Variants in RNF220 observed in about 807,000 individuals in gnomAD.
RNF220 encodes ring finger protein 220.
A neutral mutation model predicts 67.1 loss-of-function variants in RNF220; 7 were observed. That is an observed-to-expected ratio of 0.10 (90% confidence interval 0.06 to 0.20). The LOEUF (loss-of-function observed/expected upper bound fraction) is 0.20. RNF220 is among the 10% of genes least tolerant of loss of function. The probability of loss-of-function intolerance (pLI) is 1.00; values close to 1 mark genes in which losing one functional copy is unlikely to be tolerated. For missense variants in RNF220, 565 were observed against 740.3 expected (o/e 0.76, Z 2.75); for synonymous variants, 270 against 283.2 (o/e 0.95, Z 0.47).
rs34268893 is a variant in RNF220, at chr1:44,482,920, CTTTTTTTTTTT to C, written c.625+70213_625+70223del. On this transcript the variant is annotated intron_variant, in intron 2 of 14. Transcript: ENST00000361799. Reference sequence around the variant, plus strand: ...GTAAGAGTGAGCCACCACACCCAGCCTTTTTTTTTTTTTTTTTTTTTTTTTGTCCAGATGGG... The same window carrying C: ...GTAAGAGTGAGCCACCACACCCAGCCTTTTTTTTTTTTTTGTCCAGATGGG... Among the ~76,000 whole-genome samples, 136 of 69,176 alleles carry C rather than the reference CTTTTTTTTTTT, an allele frequency of 2.0e-3. 1 individual carries two copies. The highest frequency in any genetic ancestry group is 8.3e-3 in the African/African-American group (130 of 15,672). 45.4% of individuals were successfully genotyped at this position (69,176 alleles called of 152,430 possible).
chr1:44,516,317 C>T (rs753795260), intron 2 of RNF220, among the ~76,000 whole-genome samples: 2 of 152,088 alleles, frequency 1.3e-5, no homozygotes, highest in Admixed American at 6.5e-5. Context: ...GATGCAGCAC[C>T]TCCTAGAAGA....
intron 2 of RNF220, among the ~76,000 whole-genome samples, chr1:44,513,185 C>A (rs1206015860): frequency 6.6e-6 from 1 of 152,160 alleles, no homozygotes; most frequent in Admixed American, 6.5e-5. Context: ...TTGATGATAT[C>A]TTCAGATAGA....
intron 2 of RNF220, among the ~76,000 whole-genome samples, chr1:44,493,253 C>A (rs998086777): frequency 2.0e-5 from 3 of 152,216 alleles, no homozygotes; most frequent in Admixed American, 6.5e-5. Flanking sequence ...CAGTGGCTTA[C>A]GCCTGTAATC....
At chr1:44,454,932 G>A (rs192487942) in intron 2 of RNF220, among the ~76,000 whole-genome samples, 169 of 152,118 alleles carry the variant, frequency 1.1e-3, no homozygotes, top group Non-Finnish European at 1.9e-3. Context: ...TTGTTTATGC[G>A]TTCACCAGTC....
chr1:44,430,632 G>A (rs974799745), intron 2 of RNF220, among the ~76,000 whole-genome samples: 5 of 152,040 alleles, frequency 3.3e-5, no homozygotes, highest in African/African-American at 9.7e-5. Flanking sequence ...TGCAACCTCC[G>A]CCTCCTGGGT....
chr1:44,585,116 G>A (rs1245393866), intron 2 of RNF220, among the ~76,000 whole-genome samples: 4 of 152,190 alleles, frequency 2.6e-5, no homozygotes, highest in African/African-American at 9.7e-5. Context: ...GACAAAGATG[G>A]TATTAAGATG....
intron 2 of RNF220, among the ~76,000 whole-genome samples, chr1:44,579,295 T>C (rs1665064287): frequency 6.6e-6 from 1 of 152,214 alleles, no homozygotes; most frequent in Non-Finnish European, 1.5e-5. Context: ...ACACAGTCAC[T>C]GAGCAGTAGG....
intron 2 of RNF220, among the ~76,000 whole-genome samples, chr1:44,552,136 G>A (rs1407000246): frequency 3.3e-5 from 5 of 152,184 alleles, no homozygotes; most frequent in Admixed American, 2.0e-4. Flanking sequence ...AAAAGGCTCC[G>A]CAGCAGGCTC....
chr1:44,424,228 G>A (rs965253282), intron 2 of RNF220, among the ~76,000 whole-genome samples: 66 of 152,194 alleles, frequency 4.3e-4, no homozygotes, highest in African/African-American at 1.5e-3. Context: ...GAGAGAGAGA[G>A]TCATCCCTGA....
At chr1:44,475,465 G>A (rs1655211665) in intron 2 of RNF220, among the ~76,000 whole-genome samples, 1 of 151,040 alleles carries the variant, frequency 6.6e-6, no homozygotes, top group East Asian at 1.9e-4. Context: ...AGCTACTCAG[G>A]AGGCTGAGGC....
chr1:44,457,334 A>T (rs1653293112), intron 2 of RNF220, among the ~76,000 whole-genome samples: 1 of 152,208 alleles, frequency 6.6e-6, no homozygotes, highest in Non-Finnish European at 1.5e-5. Context: ...TTCACTCAAT[A>T]GGTGCCCAGA....
chr1:44,439,122 G>A (rs950068808), intron 2 of RNF220, among the ~76,000 whole-genome samples: 1 of 152,146 alleles, frequency 6.6e-6, no homozygotes, highest in African/African-American at 2.4e-5. Context: ...ATATATTCTC[G>A]AAAGTAGAAA....
At chr1:44,500,042 C>T (rs1572690712) in intron 2 of RNF220, among the ~76,000 whole-genome samples, 1 of 152,216 alleles carries the variant, frequency 6.6e-6, no homozygotes, top group Non-Finnish European at 1.5e-5. Context: ...TACTATCTCT[C>T]ACCTAGACAA....
rs987849854 is a variant in RNF220, at chr1:44,651,373, G to A, written c.*598G>A. 3 of 159,774 alleles carry A rather than the reference G, an allele frequency of 1.9e-5. No individual in the cohort carries two copies. Among genetic ancestry groups the A allele is most frequent in the East Asian group, 3.6e-4 (2 of 5,622 alleles). The allele number at this position is 159,774 out of a possible 1,614,324, so 9.9% of individuals were successfully genotyped here. ...TCCCATGTGCTCGGTGTTCAGTGGT[G>A]TATATTTCTTCTCCCAGACATGGGG... On this transcript the variant is annotated 3_prime_UTR_variant, in exon 15 of 15. Coordinates refer to ENST00000361799, the MANE Select transcript of RNF220 (RefSeq NM_018150.4).
Position 44,622,297 on chromosome 1 carries a change from C to T in RNF220, c.759-445C>T, listed in dbSNP as rs1643830783. ...TGAATCAGGGGGAGATCATTCCTGG[C>T]CTAACACAGTTTGCAGCATGTTGGA... On this transcript the variant is annotated intron_variant, in intron 3 of 14. Transcript: ENST00000361799. This position sits in a 1 kb window ranked among gnomAD's most constrained non-coding sequence, Gnocchi z 4.3. Among the ~76,000 whole-genome samples, 1 of 152,152 alleles carries T rather than the reference C, an allele frequency of 6.6e-6. No individual in the cohort carries two copies. The highest frequency in any genetic ancestry group is 1.5e-5 in the Non-Finnish European group (1 of 68,020).
In RNF220 at chr1:44,650,903, C is replaced by T. The variant is rs1435965226; in HGVS notation, c.*128C>T. ...ATGTACATACATGCACATACTCAAACATGCGTACACACACACACATTTACA... is the reference window on the plus strand; with the variant it reads ...ATGTACATACATGCACATACTCAAATATGCGTACACACACACACATTTACA... On this transcript the variant is annotated 3_prime_UTR_variant, in exon 15 of 15. Coordinates refer to ENST00000361799, the MANE Select transcript of RNF220 (RefSeq NM_018150.4). This position sits in a 1 kb window ranked among gnomAD's most constrained non-coding sequence, Gnocchi z 4.3. 1 of 773,368 alleles carries T rather than the reference C, an allele frequency of 1.3e-6. No homozygotes were observed. Among genetic ancestry groups the T allele is most frequent in the East Asian group, 2.6e-5 (1 of 38,214 alleles). The allele number at this position is 773,368 out of a possible 1,614,324, so 47.9% of individuals were successfully genotyped here. A position where few individuals can be genotyped will look rare whatever the true frequency, so the allele number is the denominator to read the frequency against.
At chr1:44,404,938 G>T (rs1353223017), upstream of RNF220, among the ~76,000 whole-genome samples, 1 of 152,116 alleles carries the variant, frequency 6.6e-6, no homozygotes, top group African/African-American at 2.4e-5. Context: ...TTTGGTTCAG[G>T]AAAGGAAGAA....
rs185226823 is a variant in RNF220, at chr1:44,508,052, T to A, written c.625+95330T>A. Among the ~76,000 whole-genome samples, 6 of 152,172 alleles carry A rather than the reference T, an allele frequency of 3.9e-5. No homozygotes were observed. The Middle Eastern group carries it at 0.014, about 345-fold the overall frequency. On this transcript the variant is annotated intron_variant, in intron 2 of 14. Transcript: ENST00000361799. Reference sequence around the variant, plus strand: ...CTGAAAAATTAAACAGCATTTTCAATTAACTTTTCCTCTCTTGTTTGGGGG... The same window carrying A: ...CTGAAAAATTAAACAGCATTTTCAAATAACTTTTCCTCTCTTGTTTGGGGG...
At chr1:44,613,420 G>A (rs1472488753) in intron 2 of RNF220, among the ~76,000 whole-genome samples, 1 of 152,240 alleles carries the variant, frequency 6.6e-6, no homozygotes, top group Non-Finnish European at 1.5e-5. Flanking sequence ...AGAGGCCACA[G>A]AGCATTGTGT....
Sources: allele counts gnomAD v4.1 joint callset (sites outside exome capture counted in the v4.1 genomes callset), GRCh38; gene constraint gnomAD v4.1.1; non-coding constraint Gnocchi (gnomAD v3.1); transcripts MANE v1.5; gene names NCBI Gene and HGNC (gene_info 2026-07-23, HGNC 2026-07-21).